RIMS1: variants seen among roughly 807,000 people sequenced by gnomAD.
The protein encoded by RIMS1 is regulating synaptic membrane exocytosis 1.
RIMS1 carries 83 observed loss-of-function variants against 214.1 expected under a neutral mutation model. The ratio of observed to expected loss-of-function variants is 0.39; its 90% CI spans 0.32 to 0.47. The LOEUF (loss-of-function observed/expected upper bound fraction) is 0.47, where lower values mean the gene tolerates loss of function less well. Ranked by LOEUF, RIMS1 falls within the 20% of genes least tolerant of loss-of-function variation. The probability of loss-of-function intolerance (pLI) is 0.99; values close to 1 mark genes in which losing one functional copy is unlikely to be tolerated. For missense variants in RIMS1, 2,050 were observed against 2,161.8 expected, an observed-to-expected ratio of 0.95 and a Z score of 1.03; for synonymous variants, 793 against 786.8, an observed-to-expected ratio of 1.01 and a Z score of -0.13.
At chr6:72,380,326 A>G (rs373549440) in intron 29 of RIMS1, among the ~76,000 whole-genome samples, 1 of 152,174 alleles carries the variant, frequency 6.6e-6, no homozygotes, top group African/African-American at 2.4e-5. Flanking sequence ...CAGCACACCA[A>G]CATGGCACAT....
intron 31 of RIMS1, among the ~76,000 whole-genome samples, chr6:72,394,665 T>C (rs924769493): frequency 9.9e-5 from 15 of 150,946 alleles, no homozygotes; most frequent in Admixed American, 9.8e-4. Flanking sequence ...TGCATAAACA[T>C]AACAGGTTTT....
chr6:72,080,852 A>G lies in RIMS1; in HGVS notation c.246-16097A>G, dbSNP rs181930716. Among the ~76,000 whole-genome samples, 313 of 152,300 alleles carry G rather than the reference A, an allele frequency of 2.1e-3. 2 individuals are homozygous for G. The highest frequency in any genetic ancestry group is 3.9e-3 in the South Asian group (19 of 4,828). ...TCTCTAACTACCTTACTTACACTTT[A>G]AAAAAACAGGGAAATCAGTAGTAAC... On this transcript the variant is annotated intron_variant, in intron 2 of 33. Transcript: ENST00000521978.
rs1036678551 is a variant in RIMS1, at chr6:72,264,992, A to G, written c.3134A>G (p.Tyr1045Cys). The change falls in exon 20 of 34, where the codon TAT (tyrosine) becomes TGT (cysteine). Residue 1045 changes from tyrosine (Y) to cysteine (C), a missense_variant. By Grantham distance (194) the Tyr-to-Cys change is radical. Around this residue, in one of 6 missense-constraint regions of RIMS1, gnomAD observed 889 missense variants for 885.5 expected, o/e 1.00. Coordinates refer to ENST00000521978, the MANE Select transcript of RIMS1 (RefSeq NM_014989.7). ...CGTTCCAGACATCTTGTTAGGCACT[A>G]TAAAACATTACCTCCCAAGATGCCT... Reference protein sequence around the residue: ...LHTTRHLVRHYKTLPPKMPLL... With the variant: ...LHTTRHLVRHCKTLPPKMPLL... 18 of 1,594,882 alleles carry G rather than the reference A, an allele frequency of 1.1e-5. No homozygotes were observed. In the East Asian group the frequency reaches 2.9e-4, roughly 26 times the overall value.
chr6:72,347,591 T>C (rs942749544), intron 29 of RIMS1, among the ~76,000 whole-genome samples: 1 of 151,904 alleles, frequency 6.6e-6, no homozygotes, highest in Non-Finnish European at 1.5e-5. Flanking sequence ...TGTCCACTTT[T>C]ATTTGACATG....
At chr6:72,242,122 A>C (rs143112062) in intron 9 of RIMS1, among the ~76,000 whole-genome samples, 192 bp from the exon 10 acceptor site, 30 of 152,248 alleles carry the variant, frequency 2.0e-4, no homozygotes, top group African/African-American at 7.0e-4. Context: ...AAAGAAAAAC[A>C]AAAGAAAAGA....
intron 24 of RIMS1, among the ~76,000 whole-genome samples, chr6:72,288,308 G>A (rs1395409967): frequency 6.6e-6 from 1 of 152,158 alleles, no homozygotes; most frequent in Non-Finnish European, 1.5e-5. Context: ...AGGTACATAT[G>A]TATATACTTG....
intron 19 of RIMS1, chr6:72,263,404 AT>A: frequency 1.0e-6 from 1 of 980,672 alleles, no homozygotes. Context: ...TATTTCCCAC[AT>A]TTTGTGGATG....
At position 72,079,971 on chromosome 6, in the gene RIMS1, T is replaced by C. The variant is rs1046394977; in HGVS notation, c.246-16978T>C. Among the ~76,000 whole-genome samples the C allele has an allele frequency of 2.7e-5, 4 of 146,976 alleles. No homozygotes were observed. In the East Asian group the frequency reaches 6.1e-4, roughly 22 times the overall value. ...AACAAAACGGGCTGAGCACGGTGGCTCATTCCTGTAATGCCAACACTTTGG... is the reference window on the plus strand; with the variant it reads ...AACAAAACGGGCTGAGCACGGTGGCCCATTCCTGTAATGCCAACACTTTGG... On this transcript the variant is annotated intron_variant, in intron 2 of 33. Coordinates refer to ENST00000521978, the MANE Select transcript of RIMS1 (RefSeq NM_014989.7).
intron 17 of RIMS1, among the ~76,000 whole-genome samples, chr6:72,258,697 AG>A (rs778017888): frequency 6.6e-6 from 1 of 152,176 alleles, no homozygotes; most frequent in Non-Finnish European, 1.5e-5. Flanking sequence ...TAAAACATAT[AG>A]TGCTCTACTT....
At chr6:72,275,187 A>G (rs1345577144) in intron 23 of RIMS1, among the ~76,000 whole-genome samples, 5 of 118,742 alleles carry the variant, frequency 4.2e-5, no homozygotes, top group Non-Finnish European at 6.9e-5. Context: ...TATATGCTTT[A>G]TCTTTAAATG....
chr6:71,887,860 T>G (rs1014634141), intron 1 of RIMS1, among the ~76,000 whole-genome samples: 3 of 152,172 alleles, frequency 2.0e-5, no homozygotes, highest in African/African-American at 7.2e-5. Context: ...GTAATGCCAC[T>G]GGCAATACAA....
intron 16 of RIMS1, among the ~76,000 whole-genome samples, chr6:72,256,712 T>C (rs2076020227): frequency 2.0e-5 from 3 of 151,682 alleles, no homozygotes. Flanking sequence ...ATGAGCTATG[T>C]ATTAATAGTG....
At position 72,255,237 on chromosome 6, in the gene RIMS1, T is replaced by C. The variant is rs9446609; in HGVS notation, c.2770+2405T>C. ...GATAAGTTAGCACAGTGCATTCTTA[T>C]GTACTTTTAGATGTTGGTTACAAAT... On this transcript the variant is annotated intron_variant, in intron 16 of 33. Coordinates refer to ENST00000521978, the MANE Select transcript of RIMS1 (RefSeq NM_014989.7). 6.2e-3 allele frequency among the ~76,000 whole-genome samples: 940 copies of C among 152,312 alleles called. 9 individuals carry two copies. Among genetic ancestry groups the C allele is most frequent in the African/African-American group, 0.022 (913 of 41,566 alleles).
intron 1 of RIMS1, among the ~76,000 whole-genome samples, chr6:71,933,515 C>T (rs1159491190): frequency 6.6e-6 from 1 of 152,048 alleles, no homozygotes; most frequent in Non-Finnish European, 1.5e-5. Flanking sequence ...ATGTATTTGA[C>T]CATCTGCATT....
intron 26 of RIMS1, among the ~76,000 whole-genome samples, chr6:72,294,127 C>T (rs2807532): frequency 0.31 from 47,234 of 151,130 alleles, 8,154 homozygotes; most frequent in Non-Finnish European, 0.4. Context: ...ATGATTATAC[C>T]GTCTGCCATC....
chr6:72,189,715 A>G (rs2049747937), intron 6 of RIMS1, among the ~76,000 whole-genome samples: 1 of 152,190 alleles, frequency 6.6e-6, no homozygotes, highest in Admixed American at 6.5e-5. Context: ...GTGGAAGTCC[A>G]TGTTGCTGAG....
chr6:72,309,008 C>A (rs2095379698), intron 27 of RIMS1, among the ~76,000 whole-genome samples: 1 of 152,062 alleles, frequency 6.6e-6, no homozygotes, highest in Non-Finnish European at 1.5e-5. Flanking sequence ...TTTCTTTAAA[C>A]TGGAAATGCT....
At chr6:72,299,041 A>G (rs542443733) in intron 26 of RIMS1, among the ~76,000 whole-genome samples, 64 of 152,018 alleles carry the variant, frequency 4.2e-4, no homozygotes, top group African/African-American at 1.5e-3. Flanking sequence ...TAAATTATTC[A>G]TTCTAAAAGT....
intron 1 of RIMS1, among the ~76,000 whole-genome samples, chr6:71,921,455 A>G (rs948945235): frequency 5.3e-5 from 8 of 152,218 alleles, no homozygotes; most frequent in Admixed American, 4.6e-4. Flanking sequence ...AAGGGAAGCT[A>G]AAGTTCCAAA....
Sources: allele counts gnomAD v4.1 joint callset (sites outside exome capture counted in the v4.1 genomes callset), GRCh38; gene constraint gnomAD v4.1.1; regional missense constraint gnomAD v4.1.1; transcripts MANE v1.5; gene names NCBI Gene and HGNC (gene_info 2026-07-23, HGNC 2026-07-21).